Variants in TASP1 observed in about 807,000 individuals in gnomAD.
The protein encoded by TASP1 is taspase 1, also known as threonine aspartase 1.
In TASP1, 16 loss-of-function variants were observed where a neutral mutation model predicts 56.6. That is an observed-to-expected ratio of 0.28 (90% confidence interval 0.19 to 0.43). The LOEUF is 0.43. Among genes scored for constraint, TASP1 ranks in the 20% least tolerant of loss-of-function variants. The pLI is 1.00. For synonymous variants in TASP1, 179 were observed against 184.2 expected (o/e 0.97, Z 0.23); for missense variants, 393 against 511.6 (o/e 0.77, Z 2.24).
chr20:13,486,697 C>CA (rs1200980854), intron 10 of TASP1, among the ~76,000 whole-genome samples: 4 of 152,144 alleles, frequency 2.6e-5, no homozygotes, highest in Non-Finnish European at 5.9e-5. Flanking sequence ...TAGAGGCAAT[C>CA]ATCAGTGGCT....
At chr20:13,477,403 AAAG>A (rs1232535019) in intron 11 of TASP1, among the ~76,000 whole-genome samples, 1 of 152,160 alleles carries the variant, frequency 6.6e-6, no homozygotes, top group Non-Finnish European at 1.5e-5. Context: ...CAAAGAAAAA[AAAG>A]AAGTCATTTT....
intron 1 of TASP1, among the ~76,000 whole-genome samples, chr20:13,635,592 T>C (rs2147632392): frequency 6.6e-6 from 1 of 152,218 alleles, no homozygotes; most frequent in East Asian, 1.9e-4. Context: ...TTCACTATGT[T>C]GGCCAAGCTG....
the TASP1 span, among the ~76,000 whole-genome samples, chr20:13,200,193 G>A: frequency 6.6e-6 from 1 of 152,052 alleles, no homozygotes; most frequent in African/African-American, 2.4e-5. Flanking sequence ...ATAACCCATA[G>A]TGATTAATAA....
the TASP1 span, among the ~76,000 whole-genome samples, chr20:13,142,907 C>CCTCT: frequency 2.6e-5 from 4 of 151,674 alleles, no homozygotes; most frequent in Non-Finnish European, 4.4e-5. Context: ...AAATACCCCG[C>CCTCT]CTCTCTCTCT....
intron 6 of TASP1, among the ~76,000 whole-genome samples, chr20:13,572,647 C>A (rs2046758024): frequency 7.1e-6 from 1 of 140,828 alleles, no homozygotes; most frequent in Non-Finnish European, 1.5e-5. Flanking sequence ...GATCGTGCCA[C>A]TGCACTCCAG....
At chr20:13,207,290 G>A in the TASP1 span, among the ~76,000 whole-genome samples, 1 of 152,096 alleles carries the variant, frequency 6.6e-6, no homozygotes, top group African/African-American at 2.4e-5. Context: ...AATATACAAA[G>A]TCTCTTAAGG....
At chr20:13,266,551 C>G in the TASP1 span, among the ~76,000 whole-genome samples, 1 of 152,132 alleles carries the variant, frequency 6.6e-6, no homozygotes, top group African/African-American at 2.4e-5. Flanking sequence ...AGATAGTTAA[C>G]TCAATGTTAA....
chr20:13,409,877 T>C (rs1260271676), intron 13 of TASP1, among the ~76,000 whole-genome samples: 1 of 152,210 alleles, frequency 6.6e-6, no homozygotes. Context: ...ATATAATACA[T>C]TGTGGTTAAC....
At chr20:13,379,481 G>A in the TASP1 span, among the ~76,000 whole-genome samples, 5 of 152,168 alleles carry the variant, frequency 3.3e-5, no homozygotes, top group Non-Finnish European at 7.3e-5. Flanking sequence ...TGGGTAACCC[G>A]ACATTTCTCT....
the TASP1 span, among the ~76,000 whole-genome samples, chr20:13,372,760 A>T: frequency 1.3e-5 from 2 of 148,884 alleles, no homozygotes; most frequent in Non-Finnish European, 1.5e-5. Context: ...GTAACATTTT[A>T]ATTTATTTAA....
chr20:13,120,532 T>A, the TASP1 span, among the ~76,000 whole-genome samples: 3 of 152,202 alleles, frequency 2.0e-5, no homozygotes, highest in African/African-American at 7.2e-5. Flanking sequence ...ACTCTCTTTT[T>A]AAGTGATGTT....
chr20:13,435,605 A>ACT (rs1465927088), intron 11 of TASP1, among the ~76,000 whole-genome samples: 2 of 152,192 alleles, frequency 1.3e-5, no homozygotes, highest in African/African-American at 2.4e-5. Context: ...CTTTATTATA[A>ACT]ACATTTTTAA....
chr20:13,270,771 G>A, the TASP1 span: 1 of 1,603,276 alleles, frequency 6.2e-7, no homozygotes, highest in Non-Finnish European at 8.5e-7. Context: ...GAAGATGGGA[G>A]ATAACAAAAC....
At chr20:13,341,870 G>A in the TASP1 span, among the ~76,000 whole-genome samples, 7 of 152,174 alleles carry the variant, frequency 4.6e-5, no homozygotes, top group African/African-American at 1.7e-4. Context: ...TAGTTGGATG[G>A]CTATCAGTGC....
intron 4 of TASP1, among the ~76,000 whole-genome samples, chr20:13,594,656 TGA>T (rs946065155): frequency 3.3e-5 from 5 of 151,952 alleles, no homozygotes; most frequent in Non-Finnish European, 7.4e-5. Flanking sequence ...TGAAATAAAG[TGA>T]GAAGACAAGA....
the TASP1 span, among the ~76,000 whole-genome samples, chr20:13,360,281 A>G: frequency 1.1e-4 from 16 of 150,110 alleles, no homozygotes; most frequent in African/African-American, 3.7e-4. Flanking sequence ...ACACCCATCA[A>G]GCTCAGCAAA....
At chr20:13,497,099 C>T (rs1205130061) in intron 10 of TASP1, among the ~76,000 whole-genome samples, 1 of 152,210 alleles carries the variant, frequency 6.6e-6, no homozygotes, top group Non-Finnish European at 1.5e-5. Flanking sequence ...TTCTTTCCTA[C>T]AGGTCTTCAC....
chr20:13,362,467 C>G, the TASP1 span, among the ~76,000 whole-genome samples: 3 of 140,030 alleles, frequency 2.1e-5, no homozygotes, highest in Non-Finnish European at 4.6e-5. Flanking sequence ...TCAAAAAGCT[C>G]CCCCACTGAG....
the TASP1 span, among the ~76,000 whole-genome samples, chr20:13,171,451 C>T: frequency 1.3e-5 from 2 of 151,974 alleles, no homozygotes; most frequent in Non-Finnish European, 2.9e-5. Context: ...GATTTTTAAG[C>T]GATGTATTAA....
Sources: allele counts gnomAD v4.1 joint callset (sites outside exome capture counted in the v4.1 genomes callset), GRCh38; gene constraint gnomAD v4.1.1; transcripts MANE v1.5; gene names NCBI Gene and HGNC (gene_info 2026-07-23, HGNC 2026-07-21).